The following FRMPD1 variants were observed in gnomAD, a reference collection of about 807,000 sequenced individuals.
FRMPD1 encodes the protein FERM and PDZ domain containing 1.
Under a neutral mutation model 117.8 loss-of-function variants are expected in FRMPD1, and 76 were observed. The observed-to-expected ratio is 0.65, with a 90% CI of 0.54 to 0.78. The LOEUF is 0.78. Ranked by LOEUF, FRMPD1 falls within the 30% of genes least tolerant of loss-of-function variation. The pLI is 0.00. For missense variants in FRMPD1, 1,786 were observed against 1,964.5 expected (o/e 0.91, Z 1.72); for synonymous variants, 783 against 770.4 (o/e 1.02, Z -0.27).
At chr9:37,629,397 G>A in the FRMPD1 span, among the ~76,000 whole-genome samples, 612 of 152,314 alleles carry the variant, frequency 4.0e-3, 1 homozygote, top group Non-Finnish European at 6.8e-3. Flanking sequence ...GTTGGTGCTG[G>A]AGGCCACTCA....
the FRMPD1 span, among the ~76,000 whole-genome samples, chr9:37,645,305 T>C: frequency 6.6e-6 from 1 of 152,172 alleles, no homozygotes; most frequent in African/African-American, 2.4e-5. Context: ...CATTCCCAAT[T>C]CTATACAAAT....
At chr9:37,681,534 G>A (rs1400127160) in intron 1 of FRMPD1, among the ~76,000 whole-genome samples, 5 of 152,208 alleles carry the variant, frequency 3.3e-5, no homozygotes, top group Non-Finnish European at 7.3e-5. Context: ...ATGCAGATGT[G>A]TGAGCCCATT....
At position 37,692,675 on chromosome 9, in the gene FRMPD1, C is replaced by CG; in HGVS notation, c.36dup (p.Lys13GlufsTer4). 1.9e-6 allele frequency: 3 copies of CG among 1,613,748 alleles called. No homozygotes were observed. Among genetic ancestry groups the CG allele is most frequent in the Non-Finnish European group, 2.5e-6 (3 of 1,179,676 alleles). ...GCTGGAGACCAGTTTATTCCAGACA[C>CG]GGAAAGCACATAGAATAGAACAAAT... On this transcript the variant is annotated frameshift_variant, in exon 2 of 16. Transcript: ENST00000377765. LOFTEE classifies it high-confidence loss of function.
At chr9:37,619,787 A>G in the FRMPD1 span, among the ~76,000 whole-genome samples, 3 of 151,746 alleles carry the variant, frequency 2.0e-5, no homozygotes, top group Non-Finnish European at 4.4e-5. Context: ...ATTGAATCGA[A>G]AAAGGTTTAG....
chr9:37,679,079 A>G (rs1256988411), intron 1 of FRMPD1, among the ~76,000 whole-genome samples: 1 of 152,168 alleles, frequency 6.6e-6, no homozygotes, highest in Non-Finnish European at 1.5e-5. Context: ...TGGTCTTGCC[A>G]TCTACTGTGT....
At position 37,729,799 on chromosome 9, in the gene FRMPD1, G is replaced by A. The variant is rs1439777937; in HGVS notation, c.684G>A (p.Glu228=). The A allele has an allele frequency of 5.0e-6, 8 of 1,613,898 alleles. No individual in the cohort carries two copies. In the Middle Eastern group the frequency reaches 8.2e-4, roughly 166 times the overall value. Residue 228 remains glutamate, a synonymous_variant, in exon 8 of 16, where the codon GAG becomes GAA. Coordinates refer to ENST00000377765, the MANE Select transcript of FRMPD1 (RefSeq NM_014907.3). ...SIEYFALALE[E]QYSISRLHLL... is the part of the protein sequence containing the mutation. ...AGTACTTTGCACTGGCCCTGGAAGAGCAGTACAGCATCTCCCGGCTGCACC... is the reference window on the plus strand; with the variant it reads ...AGTACTTTGCACTGGCCCTGGAAGAACAGTACAGCATCTCCCGGCTGCACC...
the FRMPD1 span, among the ~76,000 whole-genome samples, chr9:37,644,206 C>T: frequency 6.6e-6 from 1 of 152,166 alleles, no homozygotes; most frequent in African/African-American, 2.4e-5. Context: ...GGGGTCTTCC[C>T]ACAGAGCTAT....
At chr9:37,714,891 G>A (rs1186201776) in intron 5 of FRMPD1, among the ~76,000 whole-genome samples, 7 of 152,060 alleles carry the variant, frequency 4.6e-5, no homozygotes, top group African/African-American at 7.2e-5. Flanking sequence ...CAAGTGATCC[G>A]TCTGCCTCGG....
intron 1 of FRMPD1, among the ~76,000 whole-genome samples, chr9:37,651,711 A>AG (rs1380587923): frequency 2.6e-5 from 4 of 152,164 alleles, no homozygotes; most frequent in Admixed American, 2.0e-4. Flanking sequence ...GTTAGGAGTC[A>AG]GGACTCTGGC....
Position 37,745,075 on chromosome 9 carries a change from C to T in FRMPD1, c.3043C>T (p.Leu1015Phe). The change falls in exon 16 of 16, where the codon CTC becomes TTC. Residue 1015 changes from leucine to phenylalanine, a missense_variant. Transcript: ENST00000377765. The part of the protein sequence containing the change: ...TIEHGDSSFS[L>F]SSGDPNPDRA... ...AGAGCATGGAGACAGCTCCTTCTCC[C>T]TCTCCAGTGGTGACCCTAACCCAGA... The T allele has an allele frequency of 6.2e-7, 1 of 1,614,064 alleles. No homozygotes were observed. The highest frequency in any genetic ancestry group is 1.1e-5 in the South Asian group (1 of 91,084).
chr9:37,707,629 C>G, intron 3 of FRMPD1, 56 bp downstream of exon 3: 4 of 1,379,086 alleles, frequency 2.9e-6, no homozygotes, highest in Non-Finnish European at 3.1e-6. Context: ...GGAAATAGCC[C>G]CAAATCTCCC....
At chr9:37,662,225 G>A (rs533513579) in intron 1 of FRMPD1, among the ~76,000 whole-genome samples, 32 of 152,246 alleles carry the variant, frequency 2.1e-4, no homozygotes, top group African/African-American at 7.2e-4. Context: ...GAACCCAATC[G>A]CACAATAATA....
rs373443944 is a variant in FRMPD1 at position 37,685,906 on chromosome 9, C to T, written c.-4-6732C>T. On this transcript the variant is annotated intron_variant, in intron 1 of 15. Coordinates refer to ENST00000377765, the MANE Select transcript of FRMPD1 (RefSeq NM_014907.3). ...TTTCTCAATAGCTTGTGCTAGTTTC[C>T]TGAAGTCTTTTATTATCACCTTTTG... is the stretch of plus-strand genomic sequence containing the variant. Among the ~76,000 whole-genome samples, 6 of 152,316 alleles carry T rather than the reference C, an allele frequency of 3.9e-5. No individual in the cohort carries two copies. In the East Asian group the frequency reaches 7.7e-4, roughly 20 times the overall value.
intron 14 of FRMPD1, among the ~76,000 whole-genome samples, chr9:37,739,377 G>C (rs1161844185): frequency 3.9e-5 from 6 of 152,178 alleles, no homozygotes; most frequent in East Asian, 1.9e-4. Context: ...GGTGTGATGA[G>C]GTCAGAGAGA....
intron 2 of FRMPD1, among the ~76,000 whole-genome samples, chr9:37,699,675 G>C (rs555417289): frequency 6.6e-6 from 1 of 152,256 alleles, no homozygotes; most frequent in East Asian, 1.9e-4. Flanking sequence ...TATAGAGCGA[G>C]ATCTAAAGAA....
intron 7 of FRMPD1, among the ~76,000 whole-genome samples, 155 bp downstream of exon 7, chr9:37,724,475 C>T (rs775948764): frequency 1.3e-5 from 2 of 152,226 alleles, no homozygotes; most frequent in Non-Finnish European, 2.9e-5. Context: ...TATCTCATTT[C>T]GTTGCACGAC....
chr9:37,660,443 G>A (rs1010758819), intron 1 of FRMPD1, among the ~76,000 whole-genome samples: 2 of 152,232 alleles, frequency 1.3e-5, no homozygotes, highest in African/African-American at 2.4e-5. Flanking sequence ...GTCATCATCC[G>A]ATGGAGCTGC....
chr9:37,663,073 C>T (rs1028328496), intron 1 of FRMPD1, among the ~76,000 whole-genome samples: 6 of 152,078 alleles, frequency 3.9e-5, no homozygotes, highest in East Asian at 1.9e-4. Flanking sequence ...GTTTAGATAC[C>T]GTAGGCTTTT....
intron 1 of FRMPD1, among the ~76,000 whole-genome samples, chr9:37,688,723 G>C (rs1298963612): frequency 1.3e-5 from 2 of 152,010 alleles, no homozygotes; most frequent in African/African-American, 4.8e-5. Context: ...TTAAATGATG[G>C]TGTAAATGCT....
Sources: gnomAD v4.1 joint callset for allele counts (sites outside exome capture counted in the v4.1 genomes callset) on GRCh38, gnomAD v4.1.1 for gene constraint, MANE v1.5 for transcripts, NCBI Gene and HGNC (gene_info 2026-07-23, HGNC 2026-07-21) for gene names.